Variants in CBFA2T3 observed in about 807,000 individuals in gnomAD.
CBFA2T3 encodes the protein transcriptional corepressor CBFA2T3.
In CBFA2T3, 31 loss-of-function variants were observed where a neutral mutation model predicts 58.6. The observed-to-expected ratio is 0.53, with a 90% CI of 0.40 to 0.71. The LOEUF (loss-of-function observed/expected upper bound fraction) is 0.71, where lower values mean the gene tolerates loss of function less well. Ranked by LOEUF, CBFA2T3 falls within the 30% of genes least tolerant of loss-of-function variation. The pLI is 0.00. For missense variants in CBFA2T3, 1,076 were observed against 963.1 expected, an observed-to-expected ratio of 1.12 and a Z score of -1.55; for synonymous variants, 531 against 421.9, an observed-to-expected ratio of 1.26 and a Z score of -3.17.
chr16:88,878,398 A>G (rs1968922409), intron 11 of CBFA2T3, among the ~76,000 whole-genome samples: 1 of 151,826 alleles, frequency 6.6e-6, no homozygotes, highest in Non-Finnish European at 1.5e-5. Context: ...CAGGGGCTTC[A>G]GATAGAGATC....
intron 1 of CBFA2T3, chr16:88,940,044 AG>A (rs1971659005): frequency 6.6e-6 from 1 of 152,452 alleles, no homozygotes; most frequent in Non-Finnish European, 1.5e-5. Context: ...GACGCACAGA[AG>A]CCGCACCCTG....
In CBFA2T3 at chr16:88,877,082, G is replaced by A. The variant is rs1446868807; in HGVS notation, c.1856C>T (p.Pro619Leu). 1.2e-5 allele frequency: 18 copies of A among 1,535,516 alleles called. No homozygotes were observed. Among genetic ancestry groups the A allele is most frequent in the Non-Finnish European group, 1.6e-5 (18 of 1,138,972 alleles). ...GCTGGCAGCACCCACAGGCAGGGAG[G>A]GGCCCAGGCTGTGGGCGGCTTCGGG... ...GPPEAAHSLGPSLPVGAASPS... is the reference protein window; with the variant it reads ...GPPEAAHSLGLSLPVGAASPS... The change falls in exon 12 of 12, where the codon CCC becomes CTC. Residue 619 changes from proline (P) to leucine (L), a missense_variant. Pro to Leu is a moderately conservative substitution (Grantham distance 98). Transcript: ENST00000268679.
At chr16:88,948,362 G>A (rs562162013) in intron 1 of CBFA2T3, among the ~76,000 whole-genome samples, 2 of 152,362 alleles carry the variant, frequency 1.3e-5, no homozygotes, top group African/African-American at 4.8e-5. Context: ...AGAGACGTTG[G>A]TCTTTCTTGG....
intron 1 of CBFA2T3, among the ~76,000 whole-genome samples, chr16:88,910,569 G>A (rs963879478): frequency 6.6e-6 from 1 of 152,228 alleles, no homozygotes; most frequent in African/African-American, 2.4e-5. Flanking sequence ...CGTGGGGACA[G>A]GCAGTGCCCT....
At chr16:88,895,396 TG>T (rs1455102257) in intron 3 of CBFA2T3, among the ~76,000 whole-genome samples, 2 of 152,014 alleles carry the variant, frequency 1.3e-5, no homozygotes, top group Non-Finnish European at 2.9e-5. Context: ...AGCTGTGCTG[TG>T]GCCCGGGCTG....
At chr16:88,902,081 G>A (rs1970121026) in intron 1 of CBFA2T3, among the ~76,000 whole-genome samples, 1 of 152,232 alleles carries the variant, frequency 6.6e-6, no homozygotes, top group Non-Finnish European at 1.5e-5. Context: ...GTCAGGCTGA[G>A]ACCCAGAATT....
At chr16:88,954,173 C>A (rs868162184) in intron 1 of CBFA2T3, among the ~76,000 whole-genome samples, 2 of 152,284 alleles carry the variant, frequency 1.3e-5, no homozygotes, top group Middle Eastern at 3.4e-3. Context: ...CCCCCAGCCA[C>A]CACGATGGTA....
intron 1 of CBFA2T3, among the ~76,000 whole-genome samples, chr16:88,916,500 T>G (rs1037802322): frequency 1.3e-5 from 2 of 151,822 alleles, no homozygotes; most frequent in Admixed American, 1.3e-4. Flanking sequence ...ATTCGTGGGG[T>G]GGGTGTTGCG....
intron 1 of CBFA2T3, among the ~76,000 whole-genome samples, chr16:88,904,865 G>A (rs1002588538): frequency 6.6e-6 from 1 of 152,172 alleles, no homozygotes; most frequent in African/African-American, 2.4e-5. Context: ...ACATGTGGAG[G>A]AAGCCAGGTG....
chr16:88,881,376 G>C lies in CBFA2T3; in HGVS notation c.1317C>G (p.Ser439Arg), dbSNP rs377146698. The change falls in exon 9 of 12, where the codon AGC (serine) becomes AGG (arginine). Residue 439 changes from serine to arginine, a missense_variant. Coordinates refer to ENST00000268679, the MANE Select transcript of CBFA2T3 (RefSeq NM_005187.6). ...EELNHWARRY[S>R]DAEDTKKGPA... is the part of the protein sequence containing the mutation. ...GGCCCTTCTTTGTGTCCTCGGCGTC[G>C]CTGTAGCGCCGCGCCCAGTGGTTGA... 1.9e-6 allele frequency: 3 copies of C among 1,592,436 alleles called. No individual in the cohort carries two copies. The highest frequency in any genetic ancestry group is 2.3e-5 in the East Asian group (1 of 43,830).
chr16:88,887,800 C>T (rs1266787885), intron 5 of CBFA2T3, among the ~76,000 whole-genome samples: 6 of 152,112 alleles, frequency 3.9e-5, no homozygotes, highest in African/African-American at 4.8e-5. Context: ...CACCACTGAA[C>T]GGAAGTTCTG....
intron 4 of CBFA2T3, 133 bp downstream of exon 4, chr16:88,892,111 G>A: frequency 1.5e-6 from 2 of 1,364,338 alleles, no homozygotes; most frequent in Non-Finnish European, 2.0e-6. Flanking sequence ...AGAGGGTGCA[G>A]GTGGCATCGT....
chr16:88,960,322 G>A (rs546766753), intron 1 of CBFA2T3, among the ~76,000 whole-genome samples: 53 of 152,316 alleles, frequency 3.5e-4, no homozygotes, highest in Non-Finnish European at 5.1e-4. Flanking sequence ...CTGAACTCAC[G>A]GGGCCAGGTG....
At chr16:88,907,163 C>A (rs1395978249) in intron 1 of CBFA2T3, among the ~76,000 whole-genome samples, 1 of 152,214 alleles carries the variant, frequency 6.6e-6, no homozygotes, top group Non-Finnish European at 1.5e-5. Flanking sequence ...CCGAGGACAC[C>A]CACATGTATT....
chr16:88,916,293 TAC>T (rs1244435909), intron 1 of CBFA2T3, among the ~76,000 whole-genome samples: 3 of 149,856 alleles, frequency 2.0e-5, no homozygotes, highest in African/African-American at 7.4e-5. Context: ...CACTTACATA[TAC>T]ATGTGGGTGT....
chr16:88,876,950 G>A lies in CBFA2T3; in HGVS notation c.*26C>T, dbSNP rs1968854421. 1.4e-6 allele frequency: 2 copies of A among 1,407,460 alleles called. No individual in the cohort carries two copies. The highest frequency in any genetic ancestry group is 1.8e-6 in the Non-Finnish European group (2 of 1,084,408). 87.2% of individuals were successfully genotyped at this position (1,407,460 alleles called of 1,614,324 possible). Reference sequence around the variant, plus strand: ...CTGGGTGGGGTTGGCACGGTGCTGTGTCCGGCAGGCCAGGGGCCAGTGGGG... The same window carrying A: ...CTGGGTGGGGTTGGCACGGTGCTGTATCCGGCAGGCCAGGGGCCAGTGGGG... On this transcript the variant is annotated 3_prime_UTR_variant, in exon 12 of 12. Coordinates refer to ENST00000268679, the MANE Select transcript of CBFA2T3 (RefSeq NM_005187.6).
intron 1 of CBFA2T3, among the ~76,000 whole-genome samples, chr16:88,921,662 G>T (rs1423754046): frequency 6.6e-6 from 1 of 152,208 alleles, no homozygotes; most frequent in Non-Finnish European, 1.5e-5. Context: ...CCTTAAGGCT[G>T]GGGTGGTAGG....
Position 88,904,437 on chromosome 16 carries a change from G to A in CBFA2T3, c.152-2781C>T, listed in dbSNP as rs561077118. 5.9e-5 allele frequency among the ~76,000 whole-genome samples: 9 copies of A among 152,196 alleles called. No homozygotes were observed. The South Asian group carries it at 8.3e-4, about 14-fold the overall frequency. Reference sequence around the variant, plus strand: ...CGCGAGTGTGCTGCGGGCCGGGATCGGAACCACGACCTGGTGTTGCCCCCA... The same window carrying A: ...CGCGAGTGTGCTGCGGGCCGGGATCAGAACCACGACCTGGTGTTGCCCCCA... On this transcript the variant is annotated intron_variant, in intron 1 of 11. Transcript: ENST00000268679.
At position 88,886,022 on chromosome 16, in the gene CBFA2T3, T is replaced by C; in HGVS notation, c.832A>G (p.Ile278Val). Residue 278 changes from isoleucine to valine, a missense_variant, in exon 6 of 12, where the codon ATC (isoleucine) becomes GTC (valine). Physicochemically the swap from Ile to Val is conservative, Grantham distance 29 (BLOSUM62 3). Transcript: ENST00000268679. ...LLLDASASSP[I>V]DSSELLLEVN... ...TCCAGTAGCAGCTCTGAGGAGTCGATGGGGGAGGAGGCGCTGGCGTCCAGC... is the reference window on the plus strand; with the variant it reads ...TCCAGTAGCAGCTCTGAGGAGTCGACGGGGGAGGAGGCGCTGGCGTCCAGC... 1.3e-6 allele frequency: 2 copies of C among 1,567,410 alleles called. No individual in the cohort carries two copies. The highest frequency in any genetic ancestry group is 1.7e-6 in the Non-Finnish European group (2 of 1,158,084).
Sources: allele counts gnomAD v4.1 joint callset (sites outside exome capture counted in the v4.1 genomes callset), GRCh38; gene constraint gnomAD v4.1.1; transcripts MANE v1.5; gene names NCBI Gene and HGNC (gene_info 2026-07-23, HGNC 2026-07-21).